ETNK2: variants seen among roughly 807,000 people sequenced by gnomAD.
ETNK2 encodes ethanolamine kinase 2, also known as ethanolamine kinase-like protein.
Under a neutral mutation model 46.2 loss-of-function variants are expected in ETNK2, and 33 were observed. That is an observed-to-expected ratio of 0.71 (90% confidence interval 0.54 to 0.96). The LOEUF is 0.96. Among genes scored for constraint, ETNK2 ranks in the 40% least tolerant of loss-of-function variants. The pLI, the probability that ETNK2 is intolerant of heterozygous loss-of-function variation, is 0.00. For synonymous variants in ETNK2, 194 were observed against 209.0 expected (o/e 0.93, Z 0.62); for missense variants, 445 against 509.7 (o/e 0.87, Z 1.22).
At position 204,151,708 on chromosome 1, in the gene ETNK2, C is replaced by A; in HGVS notation, c.145G>T (p.Ala49Ser). 6.5e-7 allele frequency: 1 copy of A among 1,545,276 alleles called. No individual in the cohort carries two copies. Among genetic ancestry groups the A allele is most frequent in the African/African-American group, 1.4e-5 (1 of 72,724 alleles). The change falls in exon 1 of 8, where the codon GCC becomes TCC. Residue 49 changes from alanine (A) to serine (S), a missense_variant. Coordinates refer to ENST00000367202, the MANE Select transcript of ETNK2 (RefSeq NM_018208.4). The surrounding 1 kb of genome is among the most constrained non-coding windows in gnomAD (Gnocchi z 8.0). ...CREPPGPPRA[A>S]AVAYFGISVD... ...GAAATGCCGAAGTACGCGACGGCGG[C>A]GGCCCTCGGGGGGCCCGGCGGCTCC...
intron 3 of ETNK2, among the ~76,000 whole-genome samples, chr1:204,145,138 C>A (rs887839570): frequency 3.3e-5 from 5 of 152,194 alleles, no homozygotes; most frequent in Non-Finnish European, 7.3e-5. Context: ...TTTGGGCAGT[C>A]AGGCAGCTTA....
intron 2 of ETNK2, among the ~76,000 whole-genome samples, chr1:204,147,738 C>G (rs927135716): frequency 3.3e-5 from 5 of 152,212 alleles, no homozygotes; most frequent in Admixed American, 3.3e-4. Context: ...AAGAGGCAGG[C>G]CATACCCTAC....
chr1:204,143,838 C>T (rs936598949), intron 3 of ETNK2, among the ~76,000 whole-genome samples: 3 of 152,162 alleles, frequency 2.0e-5, no homozygotes, highest in African/African-American at 7.2e-5. Flanking sequence ...GATGGCCCAA[C>T]CCAGTTATCC....
At chr1:204,133,657 G>A (rs1455261848) in intron 7 of ETNK2, among the ~76,000 whole-genome samples, 3 of 151,434 alleles carry the variant, frequency 2.0e-5, no homozygotes, top group Admixed American at 1.3e-4. Flanking sequence ...TCAGCCTCCT[G>A]AGTAGCTGGG....
At chr1:204,140,010 A>T in intron 5 of ETNK2, 25 bp downstream of exon 5, 2 of 1,601,768 alleles carry the variant, frequency 1.2e-6, no homozygotes, top group Non-Finnish European at 1.7e-6. Flanking sequence ...TACAAAGCAC[A>T]TGACTGTAGA....
At chr1:204,133,164 G>A (rs1206975629) in intron 7 of ETNK2, among the ~76,000 whole-genome samples, 1 of 151,994 alleles carries the variant, frequency 6.6e-6, no homozygotes, top group African/African-American at 2.4e-5. Context: ...ACAGACAGCT[G>A]GGTTGCTTCC....
chr1:204,147,402 G>C, intron 2 of ETNK2: 1 of 532,396 alleles, frequency 1.9e-6, no homozygotes, highest in Non-Finnish European at 3.9e-6. Context: ...GGTCTCAGGA[G>C]AGGATTGGGT....
In ETNK2 at chr1:204,132,053, AG is replaced by A. The variant is rs1657094535; in HGVS notation, c.*130del. 4 of 750,662 alleles carry A rather than the reference AG, an allele frequency of 5.3e-6. No individual in the cohort carries two copies. The African/African-American group carries it at 6.9e-5, about 13-fold the overall frequency. 46.5% of individuals were successfully genotyped at this position (750,662 alleles called of 1,614,324 possible). A position where few individuals can be genotyped will look rare whatever the true frequency, so the allele number is the denominator to read the frequency against. On this transcript the variant is annotated 3_prime_UTR_variant, in exon 8 of 8. Coordinates refer to ENST00000367202, the MANE Select transcript of ETNK2 (RefSeq NM_018208.4). ...CACTGGGGTCTGGCGGCAGGGACAG[AG>A]CCTTCTCCCTGGACACCCATGTGTC...
intron 2 of ETNK2, among the ~76,000 whole-genome samples, chr1:204,148,745 A>G (rs1055874705): frequency 3.9e-5 from 6 of 152,214 alleles, no homozygotes; most frequent in African/African-American, 1.4e-4. Flanking sequence ...ATTTGGGGTT[A>G]AGTGGGTGGC....
At position 204,151,448 on chromosome 1, in the gene ETNK2, C is replaced by G; in HGVS notation, c.258+147G>C. On this transcript the variant is annotated intron_variant, in intron 1 of 7. Transcript: ENST00000367202. This position sits in a 1 kb window ranked among gnomAD's most constrained non-coding sequence, Gnocchi z 8.0. ...AGTTTTGGTAGCGACGAAATCAATC[C>G]GTACACAAACCACGTTCCAAACCTT... 8.6e-7 allele frequency: 1 copy of G among 1,168,678 alleles called. No individual in the cohort carries two copies. Among genetic ancestry groups the G allele is most frequent in the Non-Finnish European group, 1.2e-6 (1 of 835,236 alleles). The allele number at this position is 1,168,678 out of a possible 1,614,324, so 72.4% of individuals were successfully genotyped here.
At chr1:204,140,627 C>T (rs1035479927) in intron 4 of ETNK2, among the ~76,000 whole-genome samples, 4 of 151,244 alleles carry the variant, frequency 2.6e-5, no homozygotes, top group Non-Finnish European at 4.4e-5. Context: ...CTGGTTCAAG[C>T]GATTCTCCTG....
Position 204,149,774 on chromosome 1 carries a change from A to G in ETNK2, c.447T>C (p.Asn149=). 1 of 1,607,428 alleles carries G rather than the reference A, an allele frequency of 6.2e-7. No individual in the cohort carries two copies. Among genetic ancestry groups the G allele is most frequent in the Non-Finnish European group, 8.5e-7 (1 of 1,177,178 alleles). Residue 149 remains asparagine (N), a synonymous_variant, in exon 2 of 8, where the codon AAT becomes AAC. Coordinates refer to ENST00000367202, the MANE Select transcript of ETNK2 (RefSeq NM_018208.4). ...CAPKLYCTFQ[N]GLCYEYMQGV... ...CCTGCATGTACTCATAGCACAGCCC[A>G]TTCTGGAAGGTGCAGTAGAGTTTGG...
intron 5 of ETNK2, 115 bp downstream of exon 5, chr1:204,139,920 A>T (rs1470170265): frequency 3.7e-6 from 3 of 810,766 alleles, no homozygotes; most frequent in Non-Finnish European, 6.3e-6. Flanking sequence ...CAGTAAAAAT[A>T]TGGTACCTAT....
intron 2 of ETNK2, 133 bp downstream of exon 2, chr1:204,149,570 A>T: frequency 8.8e-7 from 1 of 1,136,484 alleles, no homozygotes; most frequent in Non-Finnish European, 1.2e-6. Flanking sequence ...AATGCATATA[A>T]ACATGCATTT....
chr1:204,135,334 C>T (rs1029437378), intron 6 of ETNK2, among the ~76,000 whole-genome samples: 3 of 152,142 alleles, frequency 2.0e-5, no homozygotes, highest in Admixed American at 1.3e-4. Flanking sequence ...CTGCTTATTA[C>T]CTGGGTGATG....
At chr1:204,139,019 GT>G (rs1657395678) in intron 5 of ETNK2, 1 of 152,130 alleles carries the variant, frequency 6.6e-6, no homozygotes, top group Admixed American at 6.5e-5. Context: ...ATACATATGT[GT>G]GTGTGTGTGT....
chr1:204,132,107 G>T lies in ETNK2; in HGVS notation c.*77C>A. ...CTCTCCCACCCTGTCCAAGGGTGTG[G>T]ATCCCAGAGTGCAGAATTGAGCTCT... On this transcript the variant is annotated 3_prime_UTR_variant, in exon 8 of 8. Transcript: ENST00000367202. The T allele has an allele frequency of 8.5e-7, 1 of 1,178,490 alleles. No homozygotes were observed. Among genetic ancestry groups the T allele is most frequent in the Non-Finnish European group, 1.2e-6 (1 of 807,900 alleles). The allele number at this position is 1,178,490 out of a possible 1,614,324, so 73.0% of individuals were successfully genotyped here. A position where few individuals can be genotyped will look rare whatever the true frequency, so the allele number is the denominator to read the frequency against.
intron 2 of ETNK2, 140 bp downstream of exon 2, chr1:204,149,563 G>T: frequency 1.9e-6 from 2 of 1,060,012 alleles, no homozygotes; most frequent in African/African-American, 1.6e-5. Flanking sequence ...GCAGAGCAAT[G>T]CATATAAACA....
At position 204,151,623 on chromosome 1, in the gene ETNK2, T is replaced by C; in HGVS notation, c.230A>G (p.His77Arg). Residue 77 changes from histidine (H) to arginine (R), a missense_variant, in exon 1 of 8, where the codon CAT becomes CGT. Coordinates refer to ENST00000367202, the MANE Select transcript of ETNK2 (RefSeq NM_018208.4). This position sits in a 1 kb window ranked among gnomAD's most constrained non-coding sequence, Gnocchi z 8.0. The stretch of plus-strand genomic sequence containing the variant: ...GGTCCGAACTTGCTCGGGTTTCCAA[T>C]GCGGCCGCAGCTCCTGGATGAGGCG... Reference protein sequence around the residue: ...ALRLIQELRPHWKPEQVRTKR... With the variant: ...ALRLIQELRPRWKPEQVRTKR... 2 of 1,548,792 alleles carry C rather than the reference T, an allele frequency of 1.3e-6. No homozygotes were observed. The highest frequency in any genetic ancestry group is 1.7e-6 in the Non-Finnish European group (2 of 1,146,124).
Sources: gnomAD v4.1 joint callset for allele counts (sites outside exome capture counted in the v4.1 genomes callset) on GRCh38, gnomAD v4.1.1 for gene constraint, Gnocchi (gnomAD v3.1) non-coding constraint, MANE v1.5 for transcripts, NCBI Gene and HGNC (gene_info 2026-07-23, HGNC 2026-07-21) for gene names.